Variants in RBPMS observed in about 807,000 individuals in gnomAD.
RBPMS encodes RNA binding protein, mRNA processing factor, also known as RNA-binding protein with multiple splicing.
Under a neutral mutation model 26.8 loss-of-function variants are expected in RBPMS, and 7 were observed. The observed-to-expected ratio is 0.26, with a 90% CI of 0.15 to 0.49. The LOEUF (loss-of-function observed/expected upper bound fraction) is 0.49. Ranked by LOEUF, RBPMS falls within the 20% of genes least tolerant of loss-of-function variation. RBPMS has a pLI of 0.98. For missense variants in RBPMS, 186 were observed against 250.0 expected (o/e 0.74, Z 1.73); for synonymous variants, 96 against 93.3 (o/e 1.03, Z -0.17).
intron 5 of RBPMS, among the ~76,000 whole-genome samples, chr8:30,536,000 A>C (rs1392375361): frequency 6.6e-6 from 1 of 152,138 alleles, no homozygotes; most frequent in Non-Finnish European, 1.5e-5. Context: ...TAAATCAATA[A>C]ATAATGAATG....
chr8:30,489,253 C>T (rs1481232811), intron 4 of RBPMS, among the ~76,000 whole-genome samples: 5 of 151,960 alleles, frequency 3.3e-5, no homozygotes, highest in African/African-American at 1.2e-4. Flanking sequence ...CTCTGTATTG[C>T]CCAGGCTGGC....
intron 5 of RBPMS, among the ~76,000 whole-genome samples, chr8:30,537,123 T>C (rs866300893): frequency 1.3e-5 from 2 of 152,176 alleles, no homozygotes; most frequent in South Asian, 2.1e-4. Flanking sequence ...GTAATAGTAG[T>C]GGCTTAAGTT....
At chr8:30,539,489 T>A (rs1825150392) in intron 5 of RBPMS, among the ~76,000 whole-genome samples, 1 of 152,160 alleles carries the variant, frequency 6.6e-6, no homozygotes, top group African/African-American at 2.4e-5. Context: ...TGTGCTTATT[T>A]CTCTCCCACC....
At chr8:30,515,423 A>T (rs746777976) in intron 5 of RBPMS, among the ~76,000 whole-genome samples, 9 of 152,186 alleles carry the variant, frequency 5.9e-5, no homozygotes, top group Non-Finnish European at 8.8e-5. Flanking sequence ...GTATTGAAAT[A>T]TTACTCCTTT....
At chr8:30,508,177 GC>G (rs934665563) in intron 5 of RBPMS, among the ~76,000 whole-genome samples, 1 of 152,150 alleles carries the variant, frequency 6.6e-6, no homozygotes, top group Non-Finnish European at 1.5e-5. Context: ...CGGAGGAAGG[GC>G]CGTGTGAGGA....
intron 1 of RBPMS, among the ~76,000 whole-genome samples, chr8:30,417,944 G>A (rs950562543): frequency 1.3e-5 from 2 of 152,218 alleles, no homozygotes; most frequent in African/African-American, 4.8e-5. Flanking sequence ...CGATATGTAC[G>A]TTGGTATAGT....
At chr8:30,568,799 C>T (rs1424311481) in intron 8 of RBPMS, among the ~76,000 whole-genome samples, 1 of 152,088 alleles carries the variant, frequency 6.6e-6, no homozygotes, top group East Asian at 1.9e-4. Context: ...CCTAGCTAAA[C>T]CTCCTCCTTG....
chr8:30,468,312 T>A (rs1303354449), intron 1 of RBPMS, among the ~76,000 whole-genome samples: 4 of 152,152 alleles, frequency 2.6e-5, no homozygotes, highest in African/African-American at 9.7e-5. Flanking sequence ...GTCTATATGG[T>A]CCTGAATTTT....
intron 4 of RBPMS, among the ~76,000 whole-genome samples, chr8:30,494,043 T>C (rs1819670569): frequency 1.3e-5 from 2 of 152,190 alleles, no homozygotes; most frequent in Admixed American, 1.3e-4. Context: ...CTTCGAAGTA[T>C]ATCTGCCTGG....
intron 4 of RBPMS, among the ~76,000 whole-genome samples, chr8:30,496,758 T>G (rs1258324162): frequency 6.6e-6 from 1 of 152,202 alleles, no homozygotes; most frequent in African/African-American, 2.4e-5. Context: ...AAACTTCTAC[T>G]GGTTCATTTT....
At chr8:30,556,630 G>C in intron 6 of RBPMS, 2 of 986,200 alleles carry the variant, frequency 2.0e-6, no homozygotes, top group Non-Finnish European at 2.4e-6. Context: ...AGTGCACACA[G>C]ACCCATCACC....
At chr8:30,499,265 G>A (rs561368670) in intron 4 of RBPMS, among the ~76,000 whole-genome samples, 70 of 152,282 alleles carry the variant, frequency 4.6e-4, no homozygotes, top group Non-Finnish European at 8.1e-4. Context: ...GCAAGACTCC[G>A]TCTGGTGGCA....
chr8:30,453,741 C>T (rs1563333518), intron 1 of RBPMS: 1 of 152,140 alleles, frequency 6.6e-6, no homozygotes, highest in African/African-American at 2.4e-5. Flanking sequence ...GAAAATCTTC[C>T]CAACGATCTT....
At chr8:30,426,420 T>A (rs1416112195) in intron 1 of RBPMS, among the ~76,000 whole-genome samples, 3 of 152,212 alleles carry the variant, frequency 2.0e-5, no homozygotes, top group Non-Finnish European at 2.9e-5. Context: ...TTTCACTGTT[T>A]AGACGGGAGG....
Position 30,529,803 on chromosome 8 carries a change from G to A in RBPMS, c.398-14691G>A, listed in dbSNP as rs573377195. On this transcript the variant is annotated intron_variant, in intron 5 of 8. Transcript: ENST00000397323. ...AGATTTACTCTTGTTGCCCAGGCTG[G>A]AGTGCAATGGCATGATCTCGGCTCA... Among the ~76,000 whole-genome samples, 11 of 151,308 alleles carry A rather than the reference G, an allele frequency of 7.3e-5. No homozygotes were observed. The South Asian group carries it at 2.3e-3, about 32-fold the overall frequency.
intron 1 of RBPMS, among the ~76,000 whole-genome samples, chr8:30,392,571 G>A (rs1016701180): frequency 3.3e-5 from 5 of 152,162 alleles, no homozygotes; most frequent in African/African-American, 9.7e-5. Context: ...GGGATGTGGC[G>A]AATTTTGGAA....
At chr8:30,408,275 A>G (rs1371030656) in intron 1 of RBPMS, among the ~76,000 whole-genome samples, 1 of 152,138 alleles carries the variant, frequency 6.6e-6, no homozygotes. Flanking sequence ...CACACCAGCA[A>G]TCCAGCACTT....
At chr8:30,385,687 T>A (rs1016849768) in intron 1 of RBPMS, among the ~76,000 whole-genome samples, 2 of 152,122 alleles carry the variant, frequency 1.3e-5, no homozygotes, top group African/African-American at 4.8e-5. Context: ...GCCACATTCT[T>A]CTCTGCTGAG....
intron 6 of RBPMS, chr8:30,544,848 C>T: frequency 1.3e-6 from 2 of 1,520,306 alleles, no homozygotes; most frequent in Non-Finnish European, 1.8e-6. Context: ...CAAATGACAC[C>T]TCTCTCTTCC....
Sources: gnomAD v4.1 joint callset for allele counts (sites outside exome capture counted in the v4.1 genomes callset) on GRCh38, gnomAD v4.1.1 for gene constraint, MANE v1.5 for transcripts, NCBI Gene and HGNC (gene_info 2026-07-23, HGNC 2026-07-21) for gene names.